CDH18: variants seen among roughly 807,000 people sequenced by gnomAD.
CDH18 encodes the protein cadherin 18, also known as cadherin-18.
Under a neutral mutation model 67.9 loss-of-function variants are expected in CDH18, and 31 were observed. The ratio of observed to expected loss-of-function variants is 0.46; its 90% CI spans 0.34 to 0.62. The LOEUF is 0.62. Among genes scored for constraint, CDH18 ranks in the 20% least tolerant of loss-of-function variants. The pLI, the probability that CDH18 is intolerant of heterozygous loss-of-function variation, is 0.01. For synonymous variants in CDH18, 362 were observed against 347.2 expected (o/e 1.04, Z -0.48); for missense variants, 890 against 975.5 (o/e 0.91, Z 1.17).
chr5:19,953,029 G>T (rs1795949471), intron 2 of CDH18, among the ~76,000 whole-genome samples: 1 of 151,966 alleles, frequency 6.6e-6, no homozygotes, highest in African/African-American at 2.4e-5. Flanking sequence ...CAATTACTTG[G>T]GTGATATTTT....
At chr5:19,717,595 A>C (rs1475996616) in intron 5 of CDH18, among the ~76,000 whole-genome samples, 2 of 152,030 alleles carry the variant, frequency 1.3e-5, no homozygotes, top group Non-Finnish European at 2.9e-5. Context: ...ATATTGATTT[A>C]TTTTTAACTC....
At chr5:20,172,188 G>GTGTGTATATATA (rs1736772606) in intron 2 of CDH18, among the ~76,000 whole-genome samples, 6 of 15,166 alleles carry the variant, frequency 4.0e-4, no homozygotes, top group Non-Finnish European at 5.9e-4. Flanking sequence ...ATAGCATTGT[G>GTGTGTATATATA]TGTATATATA....
intron 10 of CDH18, among the ~76,000 whole-genome samples, chr5:19,513,527 C>T (rs537057340): frequency 6.6e-6 from 1 of 152,156 alleles, no homozygotes; most frequent in Non-Finnish European, 1.5e-5. Context: ...AAGCTGTGAA[C>T]TCTTCAATGT....
At position 19,472,130 on chromosome 5, in the gene CDH18, A is replaced by C. The variant is rs1737701595; in HGVS notation, c.*1096T>G. Among the ~76,000 whole-genome samples the C allele has an allele frequency of 6.6e-6, 1 of 152,138 alleles. No individual in the cohort carries two copies. Among genetic ancestry groups the C allele is most frequent in the African/African-American group, 2.4e-5 (1 of 41,440 alleles). ...TATCAGTGAGATGGAAAAAATCTGA[A>C]ACTGTGTAAGGAATAAATGTAAGTC... On this transcript the variant is annotated 3_prime_UTR_variant, in exon 13 of 13. Transcript: ENST00000382275.
intron 5 of CDH18, among the ~76,000 whole-genome samples, chr5:19,708,849 C>G (rs1764304163): frequency 6.6e-6 from 1 of 152,038 alleles, no homozygotes; most frequent in Non-Finnish European, 1.5e-5. Flanking sequence ...TGTCAGCCCC[C>G]TGATTCCCAC....
intron 2 of CDH18, among the ~76,000 whole-genome samples, chr5:20,188,686 A>T (rs143805021): frequency 1.3e-5 from 2 of 151,998 alleles, no homozygotes; most frequent in East Asian, 3.9e-4. Flanking sequence ...GTTCTCACTG[A>T]CTTATTGCAA....
chr5:20,340,827 C>T (rs1440548595), intron 1 of CDH18, among the ~76,000 whole-genome samples: 1 of 152,126 alleles, frequency 6.6e-6, no homozygotes, highest in East Asian at 1.9e-4. Context: ...GACTTTAATC[C>T]GACGTTTTCC....
At chr5:19,644,104 G>C (rs1422554811) in intron 5 of CDH18, among the ~76,000 whole-genome samples, 3 of 152,030 alleles carry the variant, frequency 2.0e-5, no homozygotes, top group Non-Finnish European at 4.4e-5. Context: ...GAGATTTTTA[G>C]CTGTGGCTTT....
intron 1 of CDH18, among the ~76,000 whole-genome samples, chr5:20,291,349 C>T (rs1350132710): frequency 1.3e-5 from 2 of 151,784 alleles, no homozygotes; most frequent in Admixed American, 6.6e-5. Flanking sequence ...GTCTGTGGAA[C>T]AACAACAAAA....
intron 1 of CDH18, among the ~76,000 whole-genome samples, chr5:20,345,759 A>T (rs920695972): frequency 6.6e-6 from 1 of 152,082 alleles, no homozygotes; most frequent in Admixed American, 6.6e-5. Context: ...ACCTATAACC[A>T]ACCCTTGCAA....
intron 2 of CDH18, among the ~76,000 whole-genome samples, chr5:20,041,539 T>G (rs546181420): frequency 1.3e-5 from 2 of 152,180 alleles, no homozygotes; most frequent in South Asian, 2.1e-4. Context: ...TCTCCTCCCG[T>G]GGAAACAAAT....
chr5:19,949,197 C>A (rs1457884584), intron 2 of CDH18, among the ~76,000 whole-genome samples: 1 of 151,938 alleles, frequency 6.6e-6, no homozygotes, highest in Admixed American at 6.6e-5. Flanking sequence ...CAAAAGACTC[C>A]GAAATGGGTT....
At chr5:20,487,911 C>T (rs939595234) in intron 1 of CDH18, among the ~76,000 whole-genome samples, 3 of 151,980 alleles carry the variant, frequency 2.0e-5, no homozygotes, top group Admixed American at 6.6e-5. Flanking sequence ...AACCACAATT[C>T]GAGATCCTAA....
intron 11 of CDH18, among the ~76,000 whole-genome samples, chr5:19,493,072 T>C (rs1032970537): frequency 2.0e-5 from 3 of 152,200 alleles, no homozygotes; most frequent in Non-Finnish European, 4.4e-5. Flanking sequence ...TTTAATCTAC[T>C]ACTTACTGAA....
At chr5:19,669,720 C>T (rs1048668527) in intron 5 of CDH18, among the ~76,000 whole-genome samples, 1 of 152,016 alleles carries the variant, frequency 6.6e-6, no homozygotes. Context: ...CAAAGAGGTT[C>T]CAGGATAACA....
intron 9 of CDH18, among the ~76,000 whole-genome samples, chr5:19,532,275 T>C (rs1335877052): frequency 6.6e-6 from 1 of 152,226 alleles, no homozygotes; most frequent in Non-Finnish European, 1.5e-5. Flanking sequence ...ATTGCTTCTA[T>C]TGAAATACTA....
At chr5:19,575,008 C>G (rs1742089744) in intron 7 of CDH18, among the ~76,000 whole-genome samples, 1 of 152,148 alleles carries the variant, frequency 6.6e-6, no homozygotes, top group African/African-American at 2.4e-5. Context: ...CACCGCACTC[C>G]AGCCTGGGTG....
At chr5:19,988,490 T>C (rs1008794333), upstream of CDH18, among the ~76,000 whole-genome samples, 5 of 151,946 alleles carry the variant, frequency 3.3e-5, no homozygotes, top group African/African-American at 1.2e-4. Context: ...CAGCGCATAC[T>C]ACTACTCCTA....
At chr5:19,722,450 C>T (rs919812790) in intron 4 of CDH18, among the ~76,000 whole-genome samples, 2 of 150,548 alleles carry the variant, frequency 1.3e-5, no homozygotes, top group African/African-American at 4.9e-5. Flanking sequence ...ATTGTAAATT[C>T]ATTTATAACA....
Sources: gnomAD v4.1 joint callset for allele counts (sites outside exome capture counted in the v4.1 genomes callset) on GRCh38, gnomAD v4.1.1 for gene constraint, MANE v1.5 for transcripts, NCBI Gene and HGNC (gene_info 2026-07-23, HGNC 2026-07-21) for gene names.